The following RFX3 variants were observed in gnomAD, a reference collection of about 807,000 sequenced individuals.
RFX3 encodes the protein regulatory factor X3, also known as transcription factor RFX3.
In RFX3, 14 loss-of-function variants were observed where a neutral mutation model predicts 98.6. The observed-to-expected ratio is 0.14, with a 90% confidence interval of 0.09 to 0.22. The LOEUF (loss-of-function observed/expected upper bound fraction) is 0.22, where lower values mean the gene tolerates loss of function less well. Ranked by LOEUF, RFX3 falls within the 10% of genes least tolerant of loss-of-function variation. The pLI is 1.00. For synonymous variants in RFX3, 383 were observed against 328.4 expected (o/e 1.17, Z -1.80); for missense variants, 639 against 926.9 (o/e 0.69, Z 4.03).
chr9:3,279,176 C>T (rs1213371343), intron 7 of RFX3, among the ~76,000 whole-genome samples: 1 of 151,750 alleles, frequency 6.6e-6, no homozygotes, highest in African/African-American at 2.4e-5. Context: ...CAGTTGCTAG[C>T]CATTCTGTTG....
intron 1 of RFX3, among the ~76,000 whole-genome samples, chr9:3,467,222 GTA>G (rs1848374724): frequency 7.1e-6 from 1 of 141,732 alleles, no homozygotes; most frequent in Non-Finnish European, 1.5e-5. Flanking sequence ...CATATATAAT[GTA>G]TATATGTATA....
chr9:3,348,907 A>AT (rs1461750521), intron 2 of RFX3, among the ~76,000 whole-genome samples: 13 of 152,012 alleles, frequency 8.6e-5, no homozygotes, highest in Admixed American at 8.5e-4. Context: ...CTTATGTCAT[A>AT]TTTCCTACTC....
rs922907289 is a variant in RFX3 at position 3,232,695 on chromosome 9, G to T, written c.1969-3806C>A. On this transcript the variant is annotated intron_variant, in intron 15 of 16. Coordinates refer to ENST00000617270, the MANE Select transcript of RFX3 (RefSeq NM_001282116.2). ...ATCTTACAGCTATTGAAAACAATGAGTTGATTAGTCTAATGTCATGTAGTA... is the reference window on the plus strand; with the variant it reads ...ATCTTACAGCTATTGAAAACAATGATTTGATTAGTCTAATGTCATGTAGTA... Among the ~76,000 whole-genome samples the T allele has an allele frequency of 1.1e-4, 16 of 152,172 alleles. 1 individual carries two copies. Among genetic ancestry groups the T allele is most frequent in the African/African-American group, 3.9e-4 (16 of 41,500 alleles).
chr9:3,320,975 C>T (rs1482430619), intron 4 of RFX3, among the ~76,000 whole-genome samples: 1 of 145,086 alleles, frequency 6.9e-6, no homozygotes, highest in Non-Finnish European at 1.5e-5. Context: ...GATCTTGGCC[C>T]ACTGCAAACT....
Position 3,225,124 on chromosome 9 carries a change from G to A in RFX3, c.2168C>T (p.Pro723Leu), listed in dbSNP as rs763258407. Residue 723 changes from proline (P) to leucine (L), a missense_variant, in exon 17 of 17, where the codon CCA (proline) becomes CTA (leucine). Physicochemically the swap from Pro to Leu is moderately conservative, Grantham distance 98. Around this residue, in one of 9 missense-constraint regions of RFX3, gnomAD observed 129 missense variants for 124.6 expected, o/e 1.04. Transcript: ENST00000617270. ...ETGVQPSLLNPIHSEHIVTST... is the reference protein window; with the variant it reads ...ETGVQPSLLNLIHSEHIVTST... ...TGTGACAATGTGCTCGCTGTGAATT[G>A]GATTCAGGAGGCTTGGTTGCACGCC... The A allele has an allele frequency of 1.2e-6, 2 of 1,613,950 alleles. No homozygotes were observed. Among genetic ancestry groups the A allele is most frequent in the Non-Finnish European group, 1.7e-6 (2 of 1,179,936 alleles).
At chr9:3,230,405 C>T (rs931168485) in intron 15 of RFX3, among the ~76,000 whole-genome samples, 1 of 152,072 alleles carries the variant, frequency 6.6e-6, no homozygotes, top group Non-Finnish European at 1.5e-5. Flanking sequence ...TACTTTTGTA[C>T]CAACCTAATA....
intron 2 of RFX3, among the ~76,000 whole-genome samples, chr9:3,380,739 T>C (rs138354708): frequency 6.6e-6 from 1 of 152,320 alleles, no homozygotes. Flanking sequence ...AAGATAGAAA[T>C]ATAATTTAAG....
chr9:3,406,179 T>G (rs1182703053), intron 1 of RFX3, among the ~76,000 whole-genome samples: 2 of 151,826 alleles, frequency 1.3e-5, no homozygotes, highest in Non-Finnish European at 2.9e-5. Flanking sequence ...CCCACCCTAG[T>G]CTCAAAGTCC....
chr9:3,376,344 C>T (rs1481667024), intron 2 of RFX3, among the ~76,000 whole-genome samples: 1 of 152,252 alleles, frequency 6.6e-6, no homozygotes, highest in East Asian at 1.9e-4. Flanking sequence ...GGTATTTACC[C>T]ATGAGAAATA....
At chr9:3,353,113 G>T (rs928327334) in intron 2 of RFX3, among the ~76,000 whole-genome samples, 4 of 150,224 alleles carry the variant, frequency 2.7e-5, no homozygotes, top group African/African-American at 7.4e-5. Context: ...AACCAAACAC[G>T]GCATGTTCTC....
chr9:3,221,319 T>A lies in RFX3; in HGVS notation c.*3723A>T, dbSNP rs2089068280. 1 of 152,178 alleles carries A rather than the reference T, an allele frequency of 6.6e-6. No individual in the cohort carries two copies. The highest frequency in any genetic ancestry group is 6.6e-5 in the Admixed American group (1 of 15,260). 9.4% of individuals were successfully genotyped at this position (152,178 alleles called of 1,614,324 possible). On this transcript the variant is annotated 3_prime_UTR_variant, in exon 17 of 17. Coordinates refer to ENST00000617270, the MANE Select transcript of RFX3 (RefSeq NM_001282116.2). Reference sequence around the variant, plus strand: ...AGACAGTGCATTCATATAAAAAGATTCATGATTACGGCACTAAAACCGTAT... The same window carrying A: ...AGACAGTGCATTCATATAAAAAGATACATGATTACGGCACTAAAACCGTAT...
rs116917730 is a variant in RFX3, at chr9:3,425,680, T to A, written c.-8-30084A>T. Among the ~76,000 whole-genome samples, 943 of 152,326 alleles carry A rather than the reference T, an allele frequency of 6.2e-3. 6 individuals are homozygous for A. The highest frequency in any genetic ancestry group is 9.9e-3 in the Non-Finnish European group (672 of 68,014). ...AACTTACTGGATGTATAAGTCAATG[T>A]ATTCTTAATCAAAAATGGAAAATTT... On this transcript the variant is annotated intron_variant, in intron 1 of 16. Coordinates refer to ENST00000617270, the MANE Select transcript of RFX3 (RefSeq NM_001282116.2).
At chr9:3,501,963 C>G (rs529427448) in intron 1 of RFX3, among the ~76,000 whole-genome samples, 1 of 151,806 alleles carries the variant, frequency 6.6e-6, no homozygotes, top group Non-Finnish European at 1.5e-5. Context: ...TATCAAAAAT[C>G]ACTTTCGGCC....
At chr9:3,346,798 T>C in intron 2 of RFX3, 34 bp from the exon 3 acceptor site, 1 of 1,268,888 alleles carries the variant, frequency 7.9e-7, no homozygotes, top group South Asian at 1.2e-5. Flanking sequence ...TGGTAAGAGG[T>C]AGGTATGATA....
At chr9:3,263,119 T>C in intron 12 of RFX3, 35 bp from the exon 13 acceptor site, 1 of 1,603,008 alleles carries the variant, frequency 6.2e-7, no homozygotes, top group Non-Finnish European at 8.5e-7. Context: ...GGATTCTGTT[T>C]CCTCCAGTAA....
At chr9:3,488,788 G>A in intron 1 of RFX3, 1 of 985,252 alleles carries the variant, frequency 1.0e-6, no homozygotes, top group Non-Finnish European at 1.2e-6. Flanking sequence ...AGAACCACAA[G>A]TTTGAAATGG....
rs1848977044 is a variant in RFX3 at position 3,473,715 on chromosome 9, G to A, written c.-9+52032C>T. Among the ~76,000 whole-genome samples the A allele has an allele frequency of 2.0e-5, 3 of 152,200 alleles. No individual in the cohort carries two copies. The East Asian group carries it at 5.8e-4, about 29-fold the overall frequency. ...TGTATATTCACTCAGAACAATATTT[G>A]TTCCAAAACCTCAACAGGGGAGTTT... On this transcript the variant is annotated intron_variant, in intron 1 of 16. Transcript: ENST00000617270.
intron 1 of RFX3, among the ~76,000 whole-genome samples, chr9:3,506,361 T>C (rs942385169): frequency 1.3e-5 from 2 of 151,874 alleles, no homozygotes; most frequent in East Asian, 1.9e-4. Flanking sequence ...CTGATACTAC[T>C]GGTTGCCTTG....
intron 2 of RFX3, among the ~76,000 whole-genome samples, chr9:3,385,612 G>A (rs1324011030): frequency 2.0e-5 from 3 of 151,056 alleles, no homozygotes; most frequent in African/African-American, 7.3e-5. Context: ...AGAGGCTGAG[G>A]CAGGAGAATC....
Sources: allele counts gnomAD v4.1 joint callset (sites outside exome capture counted in the v4.1 genomes callset), GRCh38; gene constraint gnomAD v4.1.1; regional missense constraint gnomAD v4.1.1; transcripts MANE v1.5; gene names NCBI Gene and HGNC (gene_info 2026-07-23, HGNC 2026-07-21).